BCAR3: variants seen among roughly 807,000 people sequenced by gnomAD.
BCAR3 encodes BCAR3 adaptor protein, NSP family member, also known as breast cancer anti-estrogen resistance protein 3.
Under a neutral mutation model 80.1 loss-of-function variants are expected in BCAR3, and 37 were observed. That is an observed-to-expected ratio of 0.46 (90% confidence interval 0.36 to 0.61). The LOEUF is 0.61. BCAR3 is among the 20% of genes least tolerant of loss of function. The probability of loss-of-function intolerance (pLI) is 0.00; values close to 1 mark genes in which losing one functional copy is unlikely to be tolerated. For missense variants in BCAR3, 978 were observed against 1,068.2 expected (o/e 0.92, Z 1.18); for synonymous variants, 389 against 418.9 (o/e 0.93, Z 0.87).
At chr1:93,736,443 T>A (rs1332669258) in intron 2 of BCAR3, among the ~76,000 whole-genome samples, 1 of 152,242 alleles carries the variant, frequency 6.6e-6, no homozygotes, top group Non-Finnish European at 1.5e-5. Flanking sequence ...CGCCTTGGCC[T>A]CCCAAAGTGC....
In BCAR3 at chr1:93,757,869, T is replaced by C. The variant is rs915560171; in HGVS notation, c.-62-51727A>G. Among the ~76,000 whole-genome samples the C allele has an allele frequency of 2.0e-5, 3 of 152,188 alleles. No individual in the cohort carries two copies. In the East Asian group the frequency reaches 5.8e-4, roughly 29 times the overall value. ...ACAGACTTTGAGAAGGAAATTTACA[T>C]GCAAATGTGCTCTTGGGAACAATAC... On this transcript the variant is annotated intron_variant, in intron 2 of 13. Transcript: ENST00000370244.
chr1:93,727,787 G>C (rs1381667581), intron 2 of BCAR3, among the ~76,000 whole-genome samples: 5 of 152,068 alleles, frequency 3.3e-5, no homozygotes, highest in Non-Finnish European at 5.9e-5. Context: ...TTGAATAGTG[G>C]CCCCCCCAAA....
chr1:93,726,333 A>C (rs1288331710), intron 2 of BCAR3, among the ~76,000 whole-genome samples: 1 of 152,106 alleles, frequency 6.6e-6, no homozygotes, highest in Non-Finnish European at 1.5e-5. Flanking sequence ...TTGGCCTTCC[A>C]AAGTGTCAAG....
intron 2 of BCAR3, among the ~76,000 whole-genome samples, chr1:93,803,228 A>C (rs940835420): frequency 6.6e-6 from 1 of 152,160 alleles, no homozygotes; most frequent in Non-Finnish European, 1.5e-5. Flanking sequence ...GTAGGAAGCA[A>C]GTGTCCCATA....
At chr1:93,774,824 C>T (rs1384600063) in intron 2 of BCAR3, among the ~76,000 whole-genome samples, 1 of 152,172 alleles carries the variant, frequency 6.6e-6, no homozygotes, top group African/African-American at 2.4e-5. Context: ...TTGTCTGTGG[C>T]CAGGTTACTC....
chr1:93,785,287 C>A (rs1652900281), intron 2 of BCAR3, among the ~76,000 whole-genome samples: 1 of 152,102 alleles, frequency 6.6e-6, no homozygotes, highest in Non-Finnish European at 1.5e-5. Context: ...GGTGGAAAAC[C>A]TCAAAGTCAA....
At chr1:93,673,785 C>T (rs1648332297) in intron 2 of BCAR3, among the ~76,000 whole-genome samples, 1 of 152,192 alleles carries the variant, frequency 6.6e-6, no homozygotes, top group Non-Finnish European at 1.5e-5. Flanking sequence ...GGTGCATCCA[C>T]ATAAAATTTT....
chr1:93,818,147 CTTT>C (rs1654084189), intron 2 of BCAR3, among the ~76,000 whole-genome samples: 1 of 152,246 alleles, frequency 6.6e-6, no homozygotes, highest in Admixed American at 6.5e-5. Flanking sequence ...ATTATAAGCT[CTTT>C]GAGTGCCAAG....
chr1:93,684,265 T>C (rs78983277), upstream of BCAR3, among the ~76,000 whole-genome samples: 2 of 152,310 alleles, frequency 1.3e-5, no homozygotes, highest in African/African-American at 4.8e-5. Context: ...TTTTCTTGAT[T>C]TTCAAAGTTC....
intron 11 of BCAR3, among the ~76,000 whole-genome samples, chr1:93,566,661 A>C (rs1363449491): frequency 6.6e-6 from 1 of 152,072 alleles, no homozygotes; most frequent in Non-Finnish European, 1.5e-5. Context: ...GTCTGGATAA[A>C]ACTCCACCTC....
At chr1:93,788,796 C>T (rs936188374) in intron 2 of BCAR3, among the ~76,000 whole-genome samples, 1 of 152,086 alleles carries the variant, frequency 6.6e-6, no homozygotes, top group East Asian at 1.9e-4. Flanking sequence ...GTTTGGGCAT[C>T]CTTAATCCAT....
At chr1:93,790,619 T>A (rs1291905380) in intron 2 of BCAR3, among the ~76,000 whole-genome samples, 1 of 136,234 alleles carries the variant, frequency 7.3e-6, no homozygotes, top group Non-Finnish European at 1.5e-5. Context: ...ATAGTCTTTT[T>A]TTTTTTTTGT....
chr1:93,574,824 G>A (rs758563741), intron 8 of BCAR3, among the ~76,000 whole-genome samples: 5 of 152,148 alleles, frequency 3.3e-5, no homozygotes, highest in African/African-American at 7.2e-5. Flanking sequence ...ATTCAGAAGC[G>A]GGACCTAGAA....
At chr1:93,567,624 C>T (rs982526280) in intron 10 of BCAR3, 116 bp downstream of exon 10, 17 of 1,376,684 alleles carry the variant, frequency 1.2e-5, no homozygotes, top group Non-Finnish European at 1.7e-5. Flanking sequence ...CTGATAAAAG[C>T]CCTGATGAGC....
At chr1:93,742,474 G>A (rs546091393) in intron 2 of BCAR3, among the ~76,000 whole-genome samples, 1 of 152,326 alleles carries the variant, frequency 6.6e-6, no homozygotes, top group African/African-American at 2.4e-5. Flanking sequence ...TCCTCACACA[G>A]GCTGTGATTA....
At chr1:93,774,626 TAACA>T (rs888258291) in intron 2 of BCAR3, among the ~76,000 whole-genome samples, 2 of 152,188 alleles carry the variant, frequency 1.3e-5, no homozygotes, top group African/African-American at 4.8e-5. Flanking sequence ...CCCTATGGTC[TAACA>T]AACCTCTCCT....
intron 3 of BCAR3, among the ~76,000 whole-genome samples, chr1:93,698,119 G>A (rs1380976980): frequency 6.6e-6 from 1 of 152,248 alleles, no homozygotes; most frequent in African/African-American, 2.4e-5. Flanking sequence ...CAAGTTCAGA[G>A]GAGGCAGCAG....
chr1:93,736,120 G>T (rs1468513853), intron 2 of BCAR3, among the ~76,000 whole-genome samples: 1 of 152,200 alleles, frequency 6.6e-6, no homozygotes, highest in African/African-American at 2.4e-5. Context: ...AAAGAATCAT[G>T]CAATTCCATT....
intron 3 of BCAR3, among the ~76,000 whole-genome samples, chr1:93,617,174 G>A (rs1218647277): frequency 6.6e-6 from 1 of 152,178 alleles, no homozygotes; most frequent in African/African-American, 2.4e-5. Context: ...GTTGGCAGCA[G>A]CCCCTCAGCT....
Sources: allele counts gnomAD v4.1 joint callset (sites outside exome capture counted in the v4.1 genomes callset), GRCh38; gene constraint gnomAD v4.1.1; transcripts MANE v1.5; gene names NCBI Gene and HGNC (gene_info 2026-07-23, HGNC 2026-07-21).